Variants in PREPL observed in about 807,000 individuals in gnomAD.
The protein encoded by PREPL is prolyl endopeptidase like.
Under a neutral mutation model 70.6 loss-of-function variants are expected in PREPL, and 77 were observed. The observed-to-expected ratio is 1.09, with a 90% CI of 0.91 to 1.32. PREPL has a LOEUF of 1.32. Among genes scored for constraint, PREPL ranks in the 40% most tolerant of loss-of-function variants. The pLI is 0.00. For synonymous variants in PREPL, 315 were observed against 264.8 expected, an observed-to-expected ratio of 1.19 and a Z score of -1.84; for missense variants, 1,002 against 778.2, an observed-to-expected ratio of 1.29 and a Z score of -3.42.
chr2:44,355,089 A>T (rs1409760267), intron 1 of PREPL, among the ~76,000 whole-genome samples: 5 of 152,256 alleles, frequency 3.3e-5, no homozygotes, highest in Admixed American at 3.3e-4. Context: ...GATAAAGATC[A>T]TAATAGCTTT....
Position 44,359,587 on chromosome 2 carries a change from C to A in PREPL, c.-49+1793G>T, listed in dbSNP as rs779251130. ...GACACTTGGTTAGGTGATATTTTTT[C>A]AATTTTATTCTATTGTAACAATGAT... On this transcript the variant is annotated intron_variant, in intron 1 of 13. Coordinates refer to ENST00000409411, the MANE Select transcript of PREPL (RefSeq NM_001171613.2). 1.9e-6 allele frequency: 3 copies of A among 1,612,092 alleles called. No homozygotes were observed. The South Asian group carries it at 3.3e-5, about 18-fold the overall frequency.
At chr2:44,330,031 C>T (rs187750371) in intron 8 of PREPL, among the ~76,000 whole-genome samples, 8 of 152,260 alleles carry the variant, frequency 5.3e-5, no homozygotes, top group African/African-American at 1.2e-4. Flanking sequence ...AAAATGTAAT[C>T]AAATAAGGAG....
At chr2:44,325,201 T>C (rs185409289) in intron 10 of PREPL, among the ~76,000 whole-genome samples, 12 of 152,352 alleles carry the variant, frequency 7.9e-5, no homozygotes, top group African/African-American at 2.6e-4. Context: ...GTGACCCATG[T>C]GTGACTTGGG....
chr2:44,350,297 G>GA (rs1308255778), intron 1 of PREPL, among the ~76,000 whole-genome samples: 2 of 151,568 alleles, frequency 1.3e-5, no homozygotes, highest in African/African-American at 2.4e-5. Context: ...TCCAACATCA[G>GA]AAAAAAATCT....
Position 44,342,531 on chromosome 2 carries a change from TC to T in PREPL, c.370del (p.Asp124MetfsTer55). 1 of 1,607,986 alleles carries T rather than the reference TC, an allele frequency of 6.2e-7. No homozygotes were observed. The highest frequency in any genetic ancestry group is 8.5e-7 in the Non-Finnish European group (1 of 1,176,846). On this transcript the variant is annotated frameshift_variant, in exon 5 of 14. Coordinates refer to ENST00000409411, the MANE Select transcript of PREPL (RefSeq NM_001171613.2). LOFTEE classifies it high-confidence loss of function. Reference protein sequence around the residue: ...SSFEWVKDEEDEDVLFYTFQR... With the variant: ...SSFEWVKDEEXEDVLFYTFQR... ...GAAGGTGTAGAATAAAACATCTTCATCTTCCTCGTCCTTTACCCATTCTGAA... is the reference window on the plus strand; with the variant it reads ...GAAGGTGTAGAATAAAACATCTTCATTTCCTCGTCCTTTACCCATTCTGAA...
chr2:44,358,293 T>C (rs1677267014), intron 1 of PREPL, among the ~76,000 whole-genome samples: 1 of 152,168 alleles, frequency 6.6e-6, no homozygotes, highest in Admixed American at 6.5e-5. Flanking sequence ...TTGCATACTT[T>C]AAAATGGATC....
intron 1 of PREPL, among the ~76,000 whole-genome samples, chr2:44,348,897 G>A (rs139436598): frequency 6.6e-6 from 1 of 152,296 alleles, no homozygotes; most frequent in African/African-American, 2.4e-5. Context: ...TTCAATTTCA[G>A]CTAGCAATAT....
intron 7 of PREPL, among the ~76,000 whole-genome samples, chr2:44,333,622 T>C (rs1220987148): frequency 4.2e-5 from 3 of 72,108 alleles, no homozygotes; most frequent in Non-Finnish European, 7.5e-5. Context: ...AAATCTCTTA[T>C]TAATAAAAAA....
intron 7 of PREPL, among the ~76,000 whole-genome samples, chr2:44,333,158 G>A (rs1344358751): frequency 1.3e-5 from 2 of 152,218 alleles, no homozygotes; most frequent in Non-Finnish European, 1.5e-5. Context: ...GGGCTCAGCA[G>A]CATTAAGGCA....
intron 9 of PREPL, among the ~76,000 whole-genome samples, chr2:44,327,202 G>A (rs1262623181): frequency 1.3e-5 from 2 of 152,176 alleles, no homozygotes; most frequent in Non-Finnish European, 2.9e-5. Context: ...TATATTTTGA[G>A]TGCCTGCCCA....
intron 2 of PREPL, 56 bp from the exon 3 acceptor site, chr2:44,344,642 TCTGA>T: frequency 7.6e-7 from 1 of 1,311,682 alleles, no homozygotes; most frequent in Non-Finnish European, 1.1e-6. Context: ...CTTTTCATAG[TCTGA>T]CTATTCAAGA....
intron 6 of PREPL, among the ~76,000 whole-genome samples, chr2:44,338,808 C>G (rs1384296899): frequency 6.6e-6 from 1 of 152,194 alleles, no homozygotes; most frequent in Non-Finnish European, 1.5e-5. Flanking sequence ...ACAGATACAT[C>G]AGTGAGCTTA....
At chr2:44,325,522 A>C (rs1199099011) in intron 10 of PREPL, among the ~76,000 whole-genome samples, 1 of 152,202 alleles carries the variant, frequency 6.6e-6, no homozygotes, top group Non-Finnish European at 1.5e-5. Flanking sequence ...AATTTGACTT[A>C]TACATGTATA....
rs368734097 is a variant in PREPL at position 44,321,386 on chromosome 2, G to A, written c.1887C>T (p.Phe629=). 2.9e-5 allele frequency: 46 copies of A among 1,611,924 alleles called. No individual in the cohort carries two copies. Among genetic ancestry groups the A allele is most frequent in the African/African-American group, 2.8e-4 (21 of 74,768 alleles). ...ATTTCAGGTATTTCTTAAGATCCTC[G>A]AAAACACTGGTGCTGTCAAGTCCAA... The part of the protein sequence containing the change: ...EELGLDSTSV[F]EDLKKYLKF The change falls in exon 14 of 14, where the codon TTC becomes TTT. Residue 629 remains phenylalanine (F), a synonymous_variant. Coordinates refer to ENST00000409411, the MANE Select transcript of PREPL (RefSeq NM_001171613.2).
Position 44,359,384 on chromosome 2 carries a change from T to C in PREPL, c.-49+1996A>G, listed in dbSNP as rs796755746. On this transcript the variant is annotated intron_variant, in intron 1 of 13. Coordinates refer to ENST00000409411, the MANE Select transcript of PREPL (RefSeq NM_001171613.2). The stretch of plus-strand genomic sequence containing the variant: ...AATTGAGACTTGAAAATTAGAAAAA[T>C]CAAGTTAGAATTACTGAGAAAATTA... 3.4e-6 allele frequency: 3 copies of C among 872,292 alleles called. No individual in the cohort carries two copies. In the African/African-American group the frequency reaches 5.2e-5, roughly 15 times the overall value. The allele number at this position is 872,292 out of a possible 1,614,324, so 54.0% of individuals were successfully genotyped here.
rs1672623366 is a variant in PREPL, at chr2:44,318,460, A to G, written c.*2896T>C. ...ATTTTATCAACAGAAAACCAGTTCT[A>G]TCAACTATGGGCCCAGTATGCAGCT... On this transcript the variant is annotated 3_prime_UTR_variant, in exon 14 of 14. Coordinates refer to ENST00000409411, the MANE Select transcript of PREPL (RefSeq NM_001171613.2). 1.1e-5 allele frequency: 2 copies of G among 174,594 alleles called. No individual in the cohort carries two copies. The highest frequency in any genetic ancestry group is 1.8e-4 in the East Asian group (1 of 5,708). The allele number at this position is 174,594 out of a possible 1,614,324, so 10.8% of individuals were successfully genotyped here.
At chr2:44,340,237 T>A (rs528007835) in intron 5 of PREPL, among the ~76,000 whole-genome samples, 2 of 152,182 alleles carry the variant, frequency 1.3e-5, no homozygotes, top group African/African-American at 4.8e-5. Flanking sequence ...ACAAGAAACA[T>A]ATTCATGAAG....
rs1019014470 is a variant in PREPL, at chr2:44,322,922, T to C, written c.1630-68A>G. ...TGGTCCCTTGCCACTATAGAGACTA[T>C]GAAAAATAATTACCTCCAATTTTTC... is the stretch of plus-strand genomic sequence containing the variant. On this transcript the variant is annotated intron_variant, in intron 11 of 13. Transcript: ENST00000409411. 5.8e-6 allele frequency: 9 copies of C among 1,544,384 alleles called. No individual in the cohort carries two copies. The East Asian group carries it at 9.0e-5, about 15-fold the overall frequency.
chr2:44,336,068 G>C (rs577683948), intron 7 of PREPL, among the ~76,000 whole-genome samples: 58 of 152,286 alleles, frequency 3.8e-4, no homozygotes, highest in African/African-American at 1.4e-3. Flanking sequence ...ATGCTGGTGA[G>C]GCTGTAGAAA....
Sources: allele counts gnomAD v4.1 joint callset (sites outside exome capture counted in the v4.1 genomes callset), GRCh38; gene constraint gnomAD v4.1.1; transcripts MANE v1.5; gene names NCBI Gene and HGNC (gene_info 2026-07-23, HGNC 2026-07-21).